NEB: variants seen among roughly 807,000 people sequenced by gnomAD.
NEB encodes nebulin.
Under a neutral mutation model 952.2 loss-of-function variants are expected in NEB, and 512 were observed. The observed-to-expected ratio is 0.54, with a 90% CI of 0.50 to 0.58. NEB has a LOEUF of 0.58. NEB is among the 20% of genes least tolerant of loss of function. The pLI is 0.00. For missense variants in NEB, 8,428 were observed against 9,231.1 expected, an observed-to-expected ratio of 0.91 and a Z score of 3.56; for synonymous variants, 2,900 against 3,149.8, an observed-to-expected ratio of 0.92 and a Z score of 2.66.
chr2:151,710,465 T>C lies in NEB; in HGVS notation c.896A>G (p.Asn299Ser). The change falls in exon 11 of 182, where the codon AAT becomes AGT. Residue 299 changes from asparagine (N) to serine (S), a missense_variant. Around this residue, in one of 11 missense-constraint regions of NEB, gnomAD observed 2,851 missense variants for 2,791.5 expected, o/e 1.02. Coordinates refer to ENST00000397345, the MANE Select transcript of NEB (RefSeq NM_001164508.2). ...WSETPCFEVANARMNADNIST... is the reference protein window; with the variant it reads ...WSETPCFEVASARMNADNIST... ...AATGTTATCAGCATTCATTCTGGCA[T>C]TTGCAACTTCAAAGCAAGGTGTCTC... 2 of 1,612,708 alleles carry C rather than the reference T, an allele frequency of 1.2e-6. No individual in the cohort carries two copies. Among genetic ancestry groups the C allele is most frequent in the Non-Finnish European group, 1.7e-6 (2 of 1,178,954 alleles).
rs2153759606 is a variant in NEB, at chr2:151,570,401, G to A, written c.17119-9C>T. On this transcript the variant is annotated splice_polypyrimidine_tract_variant and intron_variant, in intron 108 of 181. Coordinates refer to ENST00000397345, the MANE Select transcript of NEB (RefSeq NM_001164508.2). ...TCAAGCTTATATTTATACTGGAGATGCAAAAATAAAGCAGATGGGTCACAG... is the reference window on the plus strand; with the variant it reads ...TCAAGCTTATATTTATACTGGAGATACAAAAATAAAGCAGATGGGTCACAG... The A allele has an allele frequency of 6.4e-7, 1 of 1,569,474 alleles. No homozygotes were observed. Among genetic ancestry groups the A allele is most frequent in the East Asian group, 2.3e-5 (1 of 44,380 alleles).
chr2:151,488,238 G>C (rs2052767567), intron 181 of NEB, among the ~76,000 whole-genome samples: 1 of 152,024 alleles, frequency 6.6e-6, no homozygotes, highest in Admixed American at 6.6e-5. Flanking sequence ...CTCCCAGTCT[G>C]ACATGTTTGT....
chr2:151,618,311 C>T lies in NEB; in HGVS notation c.11040G>A (p.Gln3680=), dbSNP rs1286468092. Residue 3680 remains glutamine, a synonymous_variant, in exon 74 of 182, where the codon CAG becomes CAA. Coordinates refer to ENST00000397345, the MANE Select transcript of NEB (RefSeq NM_001164508.2). ...TTAAAGCATTGTTTTTTGCCAGCAC[C>T]TGCTCCGGAGTGTCCGTTATACTGG... The part of the protein sequence containing the change: ...KFTSITDTPE[Q]VLAKNNALNM... The T allele has an allele frequency of 6.2e-7, 1 of 1,613,528 alleles. No homozygotes were observed. The highest frequency in any genetic ancestry group is 8.5e-7 in the Non-Finnish European group (1 of 1,179,770).
chr2:151,675,304 C>A lies in NEB; in HGVS notation c.3862G>T (p.Ala1288Ser), dbSNP rs775943165. 2.1e-5 allele frequency: 33 copies of A among 1,586,330 alleles called. No homozygotes were observed. The highest frequency in any genetic ancestry group is 2.8e-5 in the Non-Finnish European group (32 of 1,162,156). The change falls in exon 35 of 182, where the codon GCT becomes TCT. Residue 1288 changes from alanine to serine, a missense_variant. Physicochemically the swap from Ala to Ser is moderately conservative, Grantham distance 99 (BLOSUM62 1). Around this residue, in one of 11 missense-constraint regions of NEB, gnomAD observed 2,851 missense variants for 2,791.5 expected, o/e 1.02. Coordinates refer to ENST00000397345, the MANE Select transcript of NEB (RefSeq NM_001164508.2). ...CTACTTACGTCACTTATATTGTAAG[C>A]ATTGCACTTGGCCTGGAGAAACTGA... Reference protein sequence around the residue: ...LPQFLQAKCNAYNISDVCYKR... With the variant: ...LPQFLQAKCNSYNISDVCYKR...
chr2:151,636,834 T>A (rs1182171087), intron 63 of NEB, among the ~76,000 whole-genome samples: 1 of 152,158 alleles, frequency 6.6e-6, no homozygotes, highest in East Asian at 1.9e-4. Flanking sequence ...CAATGCACCT[T>A]TATTTTTTAC....
intron 131 of NEB, 34 bp from the exon 132 acceptor site, chr2:151,547,772 G>A (rs749577422): frequency 9.2e-6 from 14 of 1,524,814 alleles, no homozygotes; most frequent in Admixed American, 1.7e-5. Flanking sequence ...CAGGCATTTA[G>A]TAGGGGACGA....
rs1180038831 is a variant in NEB, at chr2:151,513,601, A to G, written c.23220T>C (p.Asn7740=). ...NETPDFMRAR[N]ATDIASQIKY... is the part of the protein sequence containing the mutation. ...TGACCTGACTGGCAATATCAGTAGC[A>G]TTCCTGGCCCTCATAAAATCCGGAG... Residue 7740 remains asparagine (N), a synonymous_variant, in exon 160 of 182, where the codon AAT becomes AAC. Coordinates refer to ENST00000397345, the MANE Select transcript of NEB (RefSeq NM_001164508.2). 3 of 1,608,452 alleles carry G rather than the reference A, an allele frequency of 1.9e-6. No individual in the cohort carries two copies. In the South Asian group the frequency reaches 3.4e-5, roughly 18 times the overall value.
In NEB at chr2:151,725,440, CA is replaced by C. The variant is rs747263642; in HGVS notation, c.402+12del. 55 of 1,600,126 alleles carry C rather than the reference CA, an allele frequency of 3.4e-5. No homozygotes were observed. Among genetic ancestry groups the C allele is most frequent in the Non-Finnish European group, 4.5e-5 (53 of 1,169,336 alleles). ...GAAATGTCCCTCTCCTTTATTTCAG[CA>C]ATGCAGCCCACCTCACTGAGTTGAT... On this transcript the variant is annotated intron_variant, in intron 6 of 181. Transcript: ENST00000397345.
Position 151,502,775 on chromosome 2 carries a change from TGGCCCCCTAAGA to T in NEB, c.23928+6_23928+17del. 1 of 1,404,420 alleles carries T rather than the reference TGGCCCCCTAAGA, an allele frequency of 7.1e-7. No homozygotes were observed. The highest frequency in any genetic ancestry group is 1.0e-6 in the Non-Finnish European group (1 of 994,548). 87.0% of individuals were successfully genotyped at this position (1,404,420 alleles called of 1,614,324 possible). ...TAAAATTAAGGGATTTTTTTTTTTT[TGGCCCCCTAAGA>T]AATACCGAGCTAAAGTTCTCTTGAT... On this transcript the variant is annotated splice_donor_region_variant and intron_variant, in intron 167 of 181. Coordinates refer to ENST00000397345, the MANE Select transcript of NEB (RefSeq NM_001164508.2).
chr2:151,575,807 A>G lies in NEB; in HGVS notation c.16909-8T>C, dbSNP rs2096806594. 2 of 1,520,658 alleles carry G rather than the reference A, an allele frequency of 1.3e-6. No homozygotes were observed. Among genetic ancestry groups the G allele is most frequent in the Non-Finnish European group, 1.8e-6 (2 of 1,094,702 alleles). The allele number at this position is 1,520,658 out of a possible 1,614,324, so 94.2% of individuals were successfully genotyped here. A position where few individuals can be genotyped will look rare whatever the true frequency, so the allele number is the denominator to read the frequency against. On this transcript the variant is annotated splice_polypyrimidine_tract_variant and splice_region_variant and intron_variant, in intron 106 of 181. Coordinates refer to ENST00000397345, the MANE Select transcript of NEB (RefSeq NM_001164508.2). ...AACCTCTCTGTACTTTGGCTGTGGA[A>G]AGAAACAAAAATAATAAAATTACTT...
intron 39 of NEB, 48 bp from the exon 40 acceptor site, chr2:151,667,959 G>T: frequency 7.2e-7 from 1 of 1,380,378 alleles, no homozygotes; most frequent in Non-Finnish European, 1.0e-6. Flanking sequence ...ATTAAAAGAG[G>T]AATGAAACAG....
At chr2:151,634,060 A>T in intron 64 of NEB, 95 bp from the exon 65 acceptor site, 1 of 1,368,306 alleles carries the variant, frequency 7.3e-7, no homozygotes, top group East Asian at 2.3e-5. Flanking sequence ...ACTTCAACTG[A>T]CTTTTGTTAA....
intron 24 of NEB, chr2:151,689,761 T>C (rs1436294692): frequency 6.6e-6 from 1 of 152,186 alleles, no homozygotes; most frequent in Non-Finnish European, 1.5e-5. Flanking sequence ...GCTTGCTGAG[T>C]TCAGCTAGAT....
rs750748717 is a variant in NEB at position 151,614,296 on chromosome 2, C to A, written c.11581G>T (p.Ala3861Ser). 1.3e-5 allele frequency: 21 copies of A among 1,613,666 alleles called. No homozygotes were observed. Among genetic ancestry groups the A allele is most frequent in the Admixed American group, 1.7e-5 (1 of 59,998 alleles). ...DQNDVIQARK[A>S]YDLQSDAIYK... ...CTCACATCACTCTGCAGGTCATAGG[C>A]CTTCCGAGCCTGAATGACGTCATTC... Residue 3861 changes from alanine (A) to serine (S), a missense_variant, in exon 77 of 182, where the codon GCC (alanine) becomes TCC (serine). By Grantham distance (99) the Ala-to-Ser change is moderately conservative (BLOSUM62 1). Transcript: ENST00000397345.
At chr2:151,650,103 A>G (rs1036164463) in intron 54 of NEB, 73 bp downstream of exon 54, 10 of 1,399,604 alleles carry the variant, frequency 7.1e-6, no homozygotes, top group Middle Eastern at 2.0e-4. Context: ...CTACTCATTT[A>G]TTAAGCAAGT....
chr2:151,640,628 G>A lies in NEB; in HGVS notation c.8412C>T (p.His2804=), dbSNP rs759207441. The change falls in exon 61 of 182, where the codon CAC becomes CAT. Residue 2804 remains histidine, a synonymous_variant. Coordinates refer to ENST00000397345, the MANE Select transcript of NEB (RefSeq NM_001164508.2). The stretch of plus-strand genomic sequence containing the variant: ...CACGTATAGCTCGGGCACCAATGTG[G>A]TGGCCGAGCTGCTTACGATAGCCTT... The part of the protein sequence containing the change: ...YKEGYRKQLG[H]HIGARAIRDD... 2 of 1,613,760 alleles carry A rather than the reference G, an allele frequency of 1.2e-6. No homozygotes were observed. Among genetic ancestry groups the A allele is most frequent in the South Asian group, 2.2e-5 (2 of 91,072 alleles).
chr2:151,690,073 T>C (rs1054018198), intron 24 of NEB: 1 of 152,596 alleles, frequency 6.6e-6, no homozygotes, highest in Non-Finnish European at 1.5e-5. Flanking sequence ...TATTAGAAAG[T>C]CAGAATATGG....
intron 102 of NEB, 124 bp from the exon 103 acceptor site, chr2:151,581,711 T>C (rs2097102895): frequency 9.8e-7 from 1 of 1,023,524 alleles, no homozygotes; most frequent in South Asian, 1.7e-5. Flanking sequence ...TTAAGTGAAT[T>C]TTATAATAAA....
At chr2:151,708,020 C>A (rs2099722765) in intron 12 of NEB, among the ~76,000 whole-genome samples, 1 of 152,194 alleles carries the variant, frequency 6.6e-6, no homozygotes, top group African/African-American at 2.4e-5. Flanking sequence ...ATCTGGGATA[C>A]ACAGCCTTCT....
Sources: gnomAD v4.1 joint callset for allele counts (sites outside exome capture counted in the v4.1 genomes callset) on GRCh38, gnomAD v4.1.1 for gene constraint, gnomAD v4.1.1 regional missense constraint, MANE v1.5 for transcripts, NCBI Gene and HGNC (gene_info 2026-07-23, HGNC 2026-07-21) for gene names.